CSGALNACT1: variants seen among roughly 807,000 people sequenced by gnomAD.
CSGALNACT1 encodes beta4GalNAcT-1.
CSGALNACT1 carries 52 observed loss-of-function variants against 51.0 expected under a neutral mutation model. That is an observed-to-expected ratio of 1.02 (90% CI 0.82 to 1.29). The LOEUF (loss-of-function observed/expected upper bound fraction) is 1.29, where lower values mean the gene tolerates loss of function less well. Ranked by LOEUF, CSGALNACT1 falls within the 50% of genes most tolerant of loss-of-function variation. CSGALNACT1 has a pLI of 0.00. For missense variants in CSGALNACT1, 935 were observed against 679.2 expected, an observed-to-expected ratio of 1.38 and a Z score of -4.19; for synonymous variants, 341 against 254.4, an observed-to-expected ratio of 1.34 and a Z score of -3.24.
exon 10 of CSGALNACT1, chr8:19,405,977 G>A: frequency 6.2e-7 from 1 of 1,614,186 alleles, no homozygotes; most frequent in Middle Eastern, 1.6e-4. Context: ...CCTCGCACAG[G>A]CGTCCGTACC....
chr8:19,597,285 CTTTTTTTTTTTTTT>C (rs35177349), intron 2 of CSGALNACT1, among the ~76,000 whole-genome samples: 3 of 64,528 alleles, frequency 4.6e-5, no homozygotes, highest in African/African-American at 2.1e-4. Context: ...TATCTTCTTT[CTTTTTTTTTTTTTT>C]TTTTTTTTTT....
intron 6 of CSGALNACT1, among the ~76,000 whole-genome samples, chr8:19,430,416 C>T (rs191447275): frequency 2.0e-5 from 3 of 152,262 alleles, no homozygotes; most frequent in African/African-American, 4.8e-5. Flanking sequence ...AAACAACTTT[C>T]GTTCTCTGCA....
intron 1 of CSGALNACT1, among the ~76,000 whole-genome samples, chr8:19,745,624 T>A (rs1225267793): frequency 1.3e-5 from 2 of 152,202 alleles, no homozygotes; most frequent in African/African-American, 4.8e-5. Context: ...TTTGCCACCA[T>A]TTCCATTTCT....
chr8:19,652,560 T>C, intron 1 of CSGALNACT1, among the ~76,000 whole-genome samples: 1 of 151,048 alleles, frequency 6.6e-6, no homozygotes, highest in South Asian at 2.1e-4. Flanking sequence ...TCAGCCTTCC[T>C]TCTGTCTATT....
At chr8:19,431,149 G>A (rs1252853519) in intron 6 of CSGALNACT1, among the ~76,000 whole-genome samples, 2 of 151,958 alleles carry the variant, frequency 1.3e-5, no homozygotes, top group East Asian at 3.9e-4. Flanking sequence ...TTCCAATCTG[G>A]ATGACTGTTA....
At chr8:19,717,486 C>G (rs1209175738) in intron 1 of CSGALNACT1, among the ~76,000 whole-genome samples, 1 of 152,220 alleles carries the variant, frequency 6.6e-6, no homozygotes, top group Non-Finnish European at 1.5e-5. Flanking sequence ...TGAGACTCCA[C>G]ATGTTCAGCT....
At chr8:19,521,115 T>C (rs745648215) in intron 3 of CSGALNACT1, among the ~76,000 whole-genome samples, 8 of 151,964 alleles carry the variant, frequency 5.3e-5, no homozygotes, top group East Asian at 1.9e-4. Flanking sequence ...AGGCAGAAAA[T>C]TGAAACTGAT....
chr8:19,460,497 G>A (rs891300138), intron 4 of CSGALNACT1, among the ~76,000 whole-genome samples: 3 of 152,046 alleles, frequency 2.0e-5, no homozygotes, highest in South Asian at 4.1e-4. Flanking sequence ...CCAGGATGAG[G>A]GTGAATGACA....
chr8:19,717,828 T>C (rs1458020863), intron 1 of CSGALNACT1, among the ~76,000 whole-genome samples: 1 of 152,106 alleles, frequency 6.6e-6, no homozygotes, highest in Admixed American at 6.6e-5. Flanking sequence ...TCAGGCACTG[T>C]AACCCTGGTC....
chr8:19,702,841 G>C (rs555949188), intron 1 of CSGALNACT1, among the ~76,000 whole-genome samples: 1 of 152,060 alleles, frequency 6.6e-6, no homozygotes, highest in Non-Finnish European at 1.5e-5. Context: ...AAAAGCTCTG[G>C]GTTTCAGGGT....
Position 19,548,922 on chromosome 8 carries a change from G to C in CSGALNACT1, c.-297+42238C>G, listed in dbSNP as rs150812344. Among the ~76,000 whole-genome samples the C allele has an allele frequency of 1.7e-3, 263 of 152,156 alleles. 2 individuals are homozygous for C. Among genetic ancestry groups the C allele is most frequent in the African/African-American group, 6.1e-3 (254 of 41,496 alleles). ...CAGCTCCCGCCTCCCAGGCTCAAAC[G>C]ATCCTCCTGCCTCAGCCTCCCAAGT... is the stretch of plus-strand genomic sequence containing the variant. On this transcript the variant is annotated intron_variant, in intron 3 of 9. Transcript: ENST00000454498.
intron 1 of CSGALNACT1, among the ~76,000 whole-genome samples, chr8:19,734,270 C>A (rs915529388): frequency 2.6e-5 from 4 of 152,214 alleles, no homozygotes; most frequent in Admixed American, 2.6e-4. Flanking sequence ...TACTTTGAAT[C>A]CTTACACAGC....
chr8:19,617,531 A>G (rs1392151501), intron 1 of CSGALNACT1, among the ~76,000 whole-genome samples: 3 of 152,204 alleles, frequency 2.0e-5, no homozygotes, highest in Non-Finnish European at 4.4e-5. Flanking sequence ...AGCAGAGTAA[A>G]TTAATAAACA....
intron 4 of CSGALNACT1, among the ~76,000 whole-genome samples, chr8:19,489,317 A>G (rs1216939171): frequency 6.6e-6 from 1 of 152,206 alleles, no homozygotes; most frequent in Non-Finnish European, 1.5e-5. Flanking sequence ...AATGTTTATC[A>G]ACCACCAATT....
chr8:19,455,212 A>G (rs1350508224), intron 5 of CSGALNACT1, among the ~76,000 whole-genome samples: 1 of 152,238 alleles, frequency 6.6e-6, no homozygotes, highest in Non-Finnish European at 1.5e-5. Context: ...CAAACTAAAA[A>G]GTCATGTTTA....
chr8:19,418,834 C>T (rs2057381696), intron 7 of CSGALNACT1, 84 bp from the exon 7 acceptor site: 2 of 936,464 alleles, frequency 2.1e-6, no homozygotes, highest in Non-Finnish European at 3.5e-6. Flanking sequence ...CTCTGAAACA[C>T]CCCAGATATT....
At chr8:19,562,265 T>C (rs2040915949) in intron 3 of CSGALNACT1, among the ~76,000 whole-genome samples, 1 of 152,236 alleles carries the variant, frequency 6.6e-6, no homozygotes, top group Non-Finnish European at 1.5e-5. Context: ...GCTGACTTGC[T>C]TATTTCATAA....
exon 10 of CSGALNACT1, chr8:19,405,455 T>C (rs1347405988): frequency 2.0e-6 from 1 of 509,802 alleles, no homozygotes; most frequent in Non-Finnish European, 3.8e-6. Flanking sequence ...AAATCATGAA[T>C]ATTTCAATGA....
chr8:19,458,314 G>C (rs1242735802), intron 5 of CSGALNACT1, 112 bp downstream of exon 4: 3 of 941,076 alleles, frequency 3.2e-6, no homozygotes, highest in Non-Finnish European at 5.3e-6. Context: ...AGCTGAATAA[G>C]AGAAAGGAGG....
Sources: gnomAD v4.1 joint callset for allele counts (sites outside exome capture counted in the v4.1 genomes callset) on GRCh38, gnomAD v4.1.1 for gene constraint, MANE v1.5 for transcripts, NCBI Gene and HGNC (gene_info 2026-07-23, HGNC 2026-07-21) for gene names.